The following TPM4 variants were observed in gnomAD, a reference collection of about 807,000 sequenced individuals.
The protein encoded by TPM4 is tropomyosin 4.
A neutral mutation model predicts 35.8 loss-of-function variants in TPM4; 17 were observed. The observed-to-expected ratio is 0.47, with a 90% CI of 0.32 to 0.71. TPM4 has a LOEUF of 0.71. Ranked by LOEUF, TPM4 falls within the 30% of genes least tolerant of loss-of-function variation. The probability of loss-of-function intolerance (pLI) is 0.03; values close to 1 mark genes in which losing one functional copy is unlikely to be tolerated. For missense variants in TPM4, 240 were observed against 320.9 expected (o/e 0.75, Z 1.93); for synonymous variants, 120 against 122.9 (o/e 0.98, Z 0.15).
intron 1 of TPM4, chr19:16,079,705 AT>A (rs34366096): frequency 0.013 from 2,216 of 169,206 alleles, no homozygotes; most frequent in East Asian, 0.04. Flanking sequence ...TTTCCTAATA[AT>A]TTTTTTTTTT....
chr19:16,090,466 C>CT (rs1219188498), intron 5 of TPM4, among the ~76,000 whole-genome samples: 1 of 151,764 alleles, frequency 6.6e-6, no homozygotes, highest in East Asian at 1.9e-4. Context: ...GTTGGCCAGG[C>CT]TGGTCTTGAA....
chr19:16,092,391 C>T (rs2090638734), intron 5 of TPM4, among the ~76,000 whole-genome samples: 1 of 151,960 alleles, frequency 6.6e-6, no homozygotes, highest in Non-Finnish European at 1.5e-5. Flanking sequence ...AGTTATCTCC[C>T]TTTCTTCGCC....
At chr19:16,084,567 C>T (rs1005288254) in intron 2 of TPM4, among the ~76,000 whole-genome samples, 1 of 152,216 alleles carries the variant, frequency 6.6e-6, no homozygotes, top group African/African-American at 2.4e-5. Context: ...CTCTTGTTTG[C>T]ACCATGTCCC....
At position 16,093,618 on chromosome 19, in the gene TPM4, G is replaced by A. The variant is rs774289031; in HGVS notation, c.594+20G>A. ...AAAGAGGTGAGTGTGGTGGCACCCA[G>A]CGAGCTCTGGTTTCTCCTGGGGCTG... On this transcript the variant is annotated intron_variant, in intron 6 of 7. Coordinates refer to ENST00000643579, the MANE Select transcript of TPM4 (RefSeq NM_003290.3). 51 of 1,614,094 alleles carry A rather than the reference G, an allele frequency of 3.2e-5. No individual in the cohort carries two copies. The highest frequency in any genetic ancestry group is 3.3e-4 in the Middle Eastern group (2 of 6,084).
At chr19:16,072,026 T>C (rs1417883924), upstream of TPM4, among the ~76,000 whole-genome samples, 1 of 152,240 alleles carries the variant, frequency 6.6e-6, no homozygotes, top group East Asian at 1.9e-4. Context: ...TTCACCATGT[T>C]GGTCTGGCTG....
Position 16,102,899 on chromosome 19 carries a change from T to C in TPM4, c.*1553T>C. 7.1e-6 allele frequency: 1 copy of C among 140,382 alleles called. No homozygotes were observed. Among genetic ancestry groups the C allele is most frequent in the Non-Finnish European group, 1.4e-5 (1 of 70,508 alleles). 8.7% of individuals were successfully genotyped at this position (140,382 alleles called of 1,614,324 possible). A position where few individuals can be genotyped will look rare whatever the true frequency, so the allele number is the denominator to read the frequency against. On this transcript the variant is annotated 3_prime_UTR_variant, in exon 8 of 8. Coordinates refer to ENST00000643579, the MANE Select transcript of TPM4 (RefSeq NM_003290.3). ...ACTACCCAGGAAATACACTAGCAAA[T>C]TGTGCAATGGAATAAAATCCACACT... is the stretch of plus-strand genomic sequence containing the variant.
chr19:16,095,513 T>C, intron 7 of TPM4: 1 of 1,018,572 alleles, frequency 9.8e-7, no homozygotes, highest in African/African-American at 1.7e-5. Flanking sequence ...CTCCTCTTCA[T>C]GCCCCCTCAT....
intron 7 of TPM4, chr19:16,095,543 T>G: frequency 9.9e-7 from 1 of 1,014,900 alleles, no homozygotes; most frequent in Non-Finnish European, 1.2e-6. Flanking sequence ...CTCCACTTGC[T>G]GCCTTTGAGC....
In TPM4 at chr19:16,067,603, T is replaced by TCCCCCACGC. The variant is rs1361601507; in HGVS notation, c.-20_-12dup. The TCCCCCACGC allele has an allele frequency of 1.2e-6, 2 of 1,607,328 alleles. No homozygotes were observed. Among genetic ancestry groups the TCCCCCACGC allele is most frequent in the East Asian group, 4.5e-5 (2 of 44,706 alleles). The stretch of plus-strand genomic sequence containing the variant: ...CACAGAGCCCGCCGCGCACCCCACG[T>TCCCCCACGC]CCCCCACGCCAGCGCCCAGCCATGG... On this transcript the variant is annotated 5_prime_UTR_variant, in exon 2 of 3. Transcript: ENST00000589897. This position sits in a 1 kb window ranked among gnomAD's most constrained non-coding sequence, Gnocchi z 4.1.
At chr19:16,087,714 C>T (rs566353708) in intron 3 of TPM4, among the ~76,000 whole-genome samples, 3 of 152,046 alleles carry the variant, frequency 2.0e-5, no homozygotes, top group South Asian at 2.1e-4. Context: ...AACCCCATCT[C>T]GACTGAAAAT....
Position 16,093,569 on chromosome 19 carries a change from A to G in TPM4, c.565A>G (p.Ile189Val). ...AAAGGAGGACAAATATGAAGAAGAA[A>G]TTAAACTTCTGTCTGACAAACTGAA... is the stretch of plus-strand genomic sequence containing the variant. ...SEKEDKYEEEIKLLSDKLKEA... is the reference protein window; with the variant it reads ...SEKEDKYEEEVKLLSDKLKEA... The change falls in exon 6 of 8, where the codon ATT becomes GTT. Residue 189 changes from isoleucine to valine, a missense_variant. By Grantham distance (29) the Ile-to-Val change is conservative. Transcript: ENST00000643579. The G allele has an allele frequency of 4.3e-6, 7 of 1,614,162 alleles. No homozygotes were observed. Among genetic ancestry groups the G allele is most frequent in the Non-Finnish European group, 5.1e-6 (6 of 1,180,038 alleles).
At chr19:16,096,349 A>C (rs1000501234) in intron 7 of TPM4, among the ~76,000 whole-genome samples, 1 of 152,138 alleles carries the variant, frequency 6.6e-6, no homozygotes, top group Non-Finnish European at 1.5e-5. Context: ...TACAGGCATG[A>C]GCCACCGCGC....
At chr19:16,081,643 C>G in intron 1 of TPM4, 1 of 237,874 alleles carries the variant, frequency 4.2e-6, no homozygotes, top group East Asian at 8.1e-5. Context: ...ATACACCCAC[C>G]TCAGCCTCCC....
intron 7 of TPM4, among the ~76,000 whole-genome samples, chr19:16,094,226 AT>A (rs1321216011): frequency 6.6e-6 from 1 of 152,240 alleles, no homozygotes; most frequent in East Asian, 1.9e-4. Context: ...GATTAAAAAA[AT>A]ATTAATAATA....
At chr19:16,075,335 A>T (rs1353209201), upstream of TPM4, 1 of 152,162 alleles carries the variant, frequency 6.6e-6, no homozygotes, top group Non-Finnish European at 1.5e-5. Flanking sequence ...CTGAAAATTT[A>T]GGGAAAGTAG....
upstream of TPM4, chr19:16,076,108 A>G: frequency 6.2e-7 from 1 of 1,600,850 alleles, no homozygotes. Flanking sequence ...GAGCTGGATA[A>G]ATATTCCGAG....
intron 3 of TPM4, among the ~76,000 whole-genome samples, chr19:16,087,353 G>C (rs1322917167): frequency 2.0e-5 from 3 of 152,210 alleles, no homozygotes; most frequent in African/African-American, 7.2e-5. Flanking sequence ...AAGGCAGGCA[G>C]ATCACCTGAG....
chr19:16,095,534 T>C (rs1351756250), intron 7 of TPM4: 6 of 1,015,958 alleles, frequency 5.9e-6, no homozygotes, highest in Non-Finnish European at 7.1e-6. Context: ...TCTCATTTTC[T>C]CCACTTGCTG....
At chr19:16,088,433 C>T in intron 4 of TPM4, 9 of 1,149,338 alleles carry the variant, frequency 7.8e-6, no homozygotes, top group Non-Finnish European at 9.7e-6. Flanking sequence ...TGACCTGCTC[C>T]AGAAGGCAGG....
Sources: allele counts gnomAD v4.1 joint callset (sites outside exome capture counted in the v4.1 genomes callset), GRCh38; gene constraint gnomAD v4.1.1; non-coding constraint Gnocchi (gnomAD v3.1); transcripts MANE v1.5; gene names NCBI Gene and HGNC (gene_info 2026-07-23, HGNC 2026-07-21).